SCAF11: variants seen among roughly 807,000 people sequenced by gnomAD.
SCAF11 encodes the protein SR-related CTD associated factor 11.
A neutral mutation model predicts 140.5 loss-of-function variants in SCAF11; 47 were observed. The observed-to-expected ratio is 0.33, with a 90% confidence interval of 0.26 to 0.43. The LOEUF (loss-of-function observed/expected upper bound fraction) is 0.43, where lower values mean the gene tolerates loss of function less well. SCAF11 is among the 20% of genes least tolerant of loss of function. The pLI is 1.00. For missense variants in SCAF11, 1,645 were observed against 1,705.1 expected (o/e 0.96, Z 0.62); for synonymous variants, 557 against 579.4 (o/e 0.96, Z 0.55).
At chr12:45,981,665 C>G (rs896958375) in intron 1 of SCAF11, among the ~76,000 whole-genome samples, 1 of 152,098 alleles carries the variant, frequency 6.6e-6, no homozygotes, top group Non-Finnish European at 1.5e-5. Context: ...AGTGTGGTGG[C>G]ATGCCTGTAG....
Position 45,926,725 on chromosome 12 carries a change from C to T in SCAF11, c.2976G>A (p.Gln992=), listed in dbSNP as rs758553998. The change falls in exon 11 of 15, where the codon CAG becomes CAA. Residue 992 remains glutamine, a synonymous_variant. Transcript: ENST00000369367. Reference sequence around the variant, plus strand: ...TTTTTTCTTTTCTTGTATTTTCATTCTGTTTCTCTGGGTCATTCTTTCTGT... The same window carrying T: ...TTTTTTCTTTTCTTGTATTTTCATTTTGTTTCTCTGGGTCATTCTTTCTGT... ...DRYRKNDPEK[Q]NENTRKEKND... is the part of the protein sequence containing the mutation. 2.5e-6 allele frequency: 4 copies of T among 1,613,142 alleles called. No homozygotes were observed. The African/African-American group carries it at 4.0e-5, about 16-fold the overall frequency.
chr12:45,968,206 G>C (rs1945995731), intron 1 of SCAF11, among the ~76,000 whole-genome samples: 1 of 151,802 alleles, frequency 6.6e-6, no homozygotes, highest in Non-Finnish European at 1.5e-5. Context: ...TTCTTTTATT[G>C]GTTCTACATT....
chr12:45,957,167 C>A (rs1945709718), intron 3 of SCAF11, among the ~76,000 whole-genome samples: 1 of 152,062 alleles, frequency 6.6e-6, no homozygotes, highest in Non-Finnish European at 1.5e-5. Flanking sequence ...ATTTACATTA[C>A]CGTTCACAGA....
At chr12:45,989,604 A>G (rs1017716143) in intron 1 of SCAF11, among the ~76,000 whole-genome samples, 2 of 152,246 alleles carry the variant, frequency 1.3e-5, no homozygotes, top group Admixed American at 6.5e-5. Context: ...AGCCATCTGT[A>G]GGAAATCTTT....
intron 3 of SCAF11, among the ~76,000 whole-genome samples, chr12:45,952,697 T>G (rs1431808624): frequency 6.6e-6 from 1 of 152,190 alleles, no homozygotes; most frequent in South Asian, 2.1e-4. Flanking sequence ...TTACATTATT[T>G]AAAGAATTTA....
At chr12:45,923,839 G>A (rs1361264033) in intron 12 of SCAF11, among the ~76,000 whole-genome samples, 3 of 150,626 alleles carry the variant, frequency 2.0e-5, no homozygotes, top group Admixed American at 6.6e-5. Flanking sequence ...GCATCACCGC[G>A]CCTGGCTAAT....
At chr12:45,922,678 A>G in intron 13 of SCAF11, 96 bp from the exon 14 acceptor site, 1 of 1,204,206 alleles carries the variant, frequency 8.3e-7, no homozygotes, top group Non-Finnish European at 1.2e-6. Flanking sequence ...ATTTACAATA[A>G]GAGACTCTCC....
At chr12:45,929,098 GA>G (rs60140747) in intron 10 of SCAF11, 4,334 of 195,500 alleles carry the variant, frequency 0.022, 47 homozygotes, top group African/African-American at 0.042. Flanking sequence ...ATTTTATAGA[GA>G]AAAAAAAAAA....
chr12:45,954,732 GCTTT>G (rs1945640830), intron 3 of SCAF11: 1 of 102,342 alleles, frequency 9.8e-6, no homozygotes. Flanking sequence ...ACCGTGCCTA[GCTTT>G]TTTTTTTTTT....
chr12:45,961,085 A>G lies in SCAF11; in HGVS notation c.219+615T>C. The G allele has an allele frequency of 6.3e-6, 3 of 479,060 alleles. No individual in the cohort carries two copies. The South Asian group carries it at 1.2e-4, about 19-fold the overall frequency. The allele number at this position is 479,060 out of a possible 1,614,324, so 29.7% of individuals were successfully genotyped here. On this transcript the variant is annotated intron_variant, in intron 3 of 14. Coordinates refer to ENST00000369367, the MANE Select transcript of SCAF11 (RefSeq NM_004719.3). ...ATGTCTTGTTTCTTATTCACTGTCTATGACGGTAATATCTCTAATTCAGAC... is the reference window on the plus strand; with the variant it reads ...ATGTCTTGTTTCTTATTCACTGTCTGTGACGGTAATATCTCTAATTCAGAC...
intron 1 of SCAF11, among the ~76,000 whole-genome samples, chr12:45,978,082 T>C (rs1946274330): frequency 6.6e-6 from 1 of 152,112 alleles, no homozygotes; most frequent in African/African-American, 2.4e-5. Context: ...TACAAATGAG[T>C]GCCTTTTATG....
chr12:45,991,601 C>G (rs1466610425), upstream of SCAF11, among the ~76,000 whole-genome samples: 1 of 152,172 alleles, frequency 6.6e-6, no homozygotes, highest in African/African-American at 2.4e-5. Flanking sequence ...ACTTAAAAGG[C>G]CTCCGCGTTG....
intron 3 of SCAF11, chr12:45,954,950 T>A (rs1235720755): frequency 6.6e-6 from 1 of 150,520 alleles, no homozygotes; most frequent in African/African-American, 2.4e-5. Context: ...TTTTTTTTCC[T>A]TAAGCATAAT....
At position 45,957,502 on chromosome 12, in the gene SCAF11, C is replaced by G. The variant is rs192528437; in HGVS notation, c.219+4198G>C. The stretch of plus-strand genomic sequence containing the variant: ...AACTGCATGTCACCTTAATAAGACA[C>G]TTCATTTCTAGTTTAGGAGAGAAAC... On this transcript the variant is annotated intron_variant, in intron 3 of 14. Transcript: ENST00000369367. Among the ~76,000 whole-genome samples, 870 of 152,184 alleles carry G rather than the reference C, an allele frequency of 5.7e-3. 6 individuals are homozygous for G. Among genetic ancestry groups the G allele is most frequent in the Non-Finnish European group, 8.7e-3 (591 of 68,010 alleles).
At chr12:45,969,995 C>T (rs1319778803) in intron 1 of SCAF11, among the ~76,000 whole-genome samples, 1 of 152,196 alleles carries the variant, frequency 6.6e-6, no homozygotes, top group Admixed American at 6.5e-5. Context: ...TTCCCAAGTT[C>T]AAGCAATTCT....
chr12:45,930,025 T>C (rs887960288), intron 10 of SCAF11: 4 of 152,250 alleles, frequency 2.6e-5, no homozygotes, highest in African/African-American at 9.6e-5. Flanking sequence ...TGTTACATAC[T>C]GTATTCTTAC....
chr12:45,977,319 C>T (rs1946257263), intron 1 of SCAF11, among the ~76,000 whole-genome samples: 1 of 152,052 alleles, frequency 6.6e-6, no homozygotes, highest in African/African-American at 2.4e-5. Flanking sequence ...ATCTTAAAGG[C>T]ATTCTATTTT....
chr12:45,956,845 T>C (rs1300691967), intron 3 of SCAF11, among the ~76,000 whole-genome samples: 1 of 152,204 alleles, frequency 6.6e-6, no homozygotes, highest in East Asian at 1.9e-4. Flanking sequence ...TTTACCTTAC[T>C]GGTAAACAGA....
At chr12:45,940,705 G>T (rs1332690903) in intron 6 of SCAF11, among the ~76,000 whole-genome samples, 3 of 152,082 alleles carry the variant, frequency 2.0e-5, no homozygotes, top group African/African-American at 4.8e-5. Context: ...CTTCAACCAG[G>T]TTAGTTTATC....
Sources: allele counts gnomAD v4.1 joint callset (sites outside exome capture counted in the v4.1 genomes callset), GRCh38; gene constraint gnomAD v4.1.1; transcripts MANE v1.5; gene names NCBI Gene and HGNC (gene_info 2026-07-23, HGNC 2026-07-21).